Variants in CDK14 observed in about 807,000 individuals in gnomAD.
CDK14 encodes the protein cyclin dependent kinase 14, also known as cyclin-dependent kinase 14.
In CDK14, 34 loss-of-function variants were observed where a neutral mutation model predicts 60.7. The observed-to-expected ratio is 0.56, with a 90% CI of 0.43 to 0.75. The LOEUF is 0.75. Among genes scored for constraint, CDK14 ranks in the 30% least tolerant of loss-of-function variants. The pLI, the probability that CDK14 is intolerant of heterozygous loss-of-function variation, is 0.00. For missense variants in CDK14, 482 were observed against 564.1 expected, an observed-to-expected ratio of 0.85 and a Z score of 1.47; for synonymous variants, 197 against 203.7, an observed-to-expected ratio of 0.97 and a Z score of 0.28.
chr7:90,907,190 T>C (rs1260162110), intron 7 of CDK14, among the ~76,000 whole-genome samples: 1 of 152,046 alleles, frequency 6.6e-6, no homozygotes, highest in East Asian at 1.9e-4. Flanking sequence ...TGTGGGAAAC[T>C]GGTTAGAATA....
At chr7:90,905,170 G>A (rs2374372) in intron 7 of CDK14, among the ~76,000 whole-genome samples, 150,035 of 152,288 alleles carry the variant, frequency 0.99, 73,945 homozygotes, top group South Asian at 1. Flanking sequence ...AGAGAATCCA[G>A]GGATGACAAT....
intron 14 of CDK14, among the ~76,000 whole-genome samples, chr7:91,181,115 A>C (rs1801987145): frequency 6.6e-6 from 1 of 152,218 alleles, no homozygotes; most frequent in Non-Finnish European, 1.5e-5. Context: ...CCTTAATACT[A>C]TTAAATATTC....
chr7:90,791,213 T>C (rs1805816601), intron 5 of CDK14, among the ~76,000 whole-genome samples: 1 of 152,176 alleles, frequency 6.6e-6, no homozygotes, highest in South Asian at 2.1e-4. Context: ...ATTTGCTACA[T>C]ATAAGATTTT....
At chr7:90,647,659 A>G (rs1444795533) in intron 2 of CDK14, among the ~76,000 whole-genome samples, 4 of 152,160 alleles carry the variant, frequency 2.6e-5, no homozygotes, top group African/African-American at 9.7e-5. Flanking sequence ...GTATTTGAAT[A>G]GATAGGGAAG....
chr7:90,879,114 G>C (rs1276601354), intron 6 of CDK14, among the ~76,000 whole-genome samples: 1 of 152,142 alleles, frequency 6.6e-6, no homozygotes, highest in African/African-American at 2.4e-5. Flanking sequence ...CAATGACTTG[G>C]ACTATCCTGA....
intron 10 of CDK14, among the ~76,000 whole-genome samples, chr7:90,991,587 C>G (rs1191468896): frequency 6.6e-6 from 1 of 152,138 alleles, no homozygotes; most frequent in Non-Finnish European, 1.5e-5. Flanking sequence ...AAGCCAGATT[C>G]CCTTCCTTGC....
chr7:90,715,574 C>T (rs549093013), intron 2 of CDK14, among the ~76,000 whole-genome samples: 2 of 150,378 alleles, frequency 1.3e-5, no homozygotes, highest in South Asian at 4.2e-4. Context: ...GAACCCAAGG[C>T]AAAACCTAAA....
In CDK14 at chr7:90,950,441, G is replaced by A. The variant is rs7798170; in HGVS notation, c.827-5256G>A. 8.1e-3 allele frequency among the ~76,000 whole-genome samples: 1,232 copies of A among 152,260 alleles called. 25 individuals are homozygous for A. Among genetic ancestry groups the A allele is most frequent in the African/African-American group, 0.026 (1,063 of 41,538 alleles). On this transcript the variant is annotated intron_variant, in intron 8 of 14. Transcript: ENST00000380050. Reference sequence around the variant, plus strand: ...TATTTTGAAGATAATATTGTGCCATGGTCAGACTTGCTAGTGTAATAATCC... The same window carrying A: ...TATTTTGAAGATAATATTGTGCCATAGTCAGACTTGCTAGTGTAATAATCC...
chr7:90,771,477 T>A (rs1804780928), intron 4 of CDK14, among the ~76,000 whole-genome samples: 1 of 152,178 alleles, frequency 6.6e-6, no homozygotes, highest in Non-Finnish European at 1.5e-5. Flanking sequence ...AATGAGTAAG[T>A]CAGAGTAGAA....
At chr7:90,988,966 A>G (rs1370538691) in intron 10 of CDK14, among the ~76,000 whole-genome samples, 1 of 149,974 alleles carries the variant, frequency 6.7e-6, no homozygotes, top group Non-Finnish European at 1.5e-5. Context: ...CTTCATCAAT[A>G]TATGCCATTC....
In CDK14 at chr7:90,829,540, C is replaced by CT. The variant is rs200123940; in HGVS notation, c.545-33626dup. Among the ~76,000 whole-genome samples, 47 of 151,120 alleles carry CT rather than the reference C, an allele frequency of 3.1e-4. No homozygotes were observed. The East Asian group carries it at 4.7e-3, about 15-fold the overall frequency. ...AATCCAGCAGGGCAGTCATTAAATCCTTTTTTTTTGAGATGGAGCCTCACT... is the reference window on the plus strand; with the variant it reads ...AATCCAGCAGGGCAGTCATTAAATCCTTTTTTTTTTGAGATGGAGCCTCACT... On this transcript the variant is annotated intron_variant, in intron 5 of 14. Coordinates refer to ENST00000380050, the MANE Select transcript of CDK14 (RefSeq NM_001287135.2).
intron 6 of CDK14, among the ~76,000 whole-genome samples, chr7:90,898,408 C>T (rs1033191731): frequency 5.3e-5 from 8 of 152,068 alleles, no homozygotes; most frequent in African/African-American, 1.9e-4. Flanking sequence ...ATGACTACAG[C>T]AAGGTTCTTG....
At chr7:91,191,577 T>G (rs905428181) in intron 14 of CDK14, among the ~76,000 whole-genome samples, 4 of 151,812 alleles carry the variant, frequency 2.6e-5, no homozygotes, top group Non-Finnish European at 5.9e-5. Context: ...ATAACTTATT[T>G]TCAGAGTAGT....
chr7:90,868,784 G>T (rs1005388298), intron 6 of CDK14, among the ~76,000 whole-genome samples: 1 of 152,024 alleles, frequency 6.6e-6, no homozygotes, highest in Non-Finnish European at 1.5e-5. Context: ...GTATTTTATC[G>T]ATGAGGAAAA....
chr7:91,006,608 C>T (rs563580127), intron 10 of CDK14, among the ~76,000 whole-genome samples: 73 of 152,298 alleles, frequency 4.8e-4, no homozygotes, highest in Non-Finnish European at 9.3e-4. Context: ...ACTCAGAATT[C>T]CACTAGATTT....
intron 8 of CDK14, among the ~76,000 whole-genome samples, chr7:90,919,263 C>T (rs1200031284): frequency 6.6e-6 from 1 of 151,842 alleles, no homozygotes; most frequent in Non-Finnish European, 1.5e-5. Context: ...ATGCATTTGT[C>T]GTATATTTAT....
chr7:91,157,969 G>A (rs1462071469), intron 14 of CDK14, among the ~76,000 whole-genome samples: 1 of 151,694 alleles, frequency 6.6e-6, no homozygotes, highest in South Asian at 2.1e-4. Flanking sequence ...CATCTGGGAT[G>A]CCACTGTATT....
At chr7:90,956,985 G>T (rs1481056645) in intron 9 of CDK14, among the ~76,000 whole-genome samples, 1 of 151,044 alleles carries the variant, frequency 6.6e-6, no homozygotes, top group African/African-American at 2.4e-5. Context: ...TGGTGTATAT[G>T]TGCCACATTT....
chr7:90,711,911 C>T (rs1166475531), intron 2 of CDK14, among the ~76,000 whole-genome samples: 2 of 145,406 alleles, frequency 1.4e-5, no homozygotes, highest in Admixed American at 6.9e-5. Context: ...TCAATTGAGC[C>T]GAGGGTCTCA....
Sources: allele counts gnomAD v4.1 joint callset (sites outside exome capture counted in the v4.1 genomes callset), GRCh38; gene constraint gnomAD v4.1.1; transcripts MANE v1.5; gene names NCBI Gene and HGNC (gene_info 2026-07-23, HGNC 2026-07-21).